ATP6V1C1: variants seen among roughly 807,000 people sequenced by gnomAD.
The protein encoded by ATP6V1C1 is V-type proton ATPase subunit C 1.
In ATP6V1C1, 45 loss-of-function variants were observed where a neutral mutation model predicts 53.9. The observed-to-expected ratio is 0.83, with a 90% CI of 0.66 to 1.07. The LOEUF (loss-of-function observed/expected upper bound fraction) is 1.07. ATP6V1C1 is among the 50% of genes least tolerant of loss of function. The pLI is 0.00. For synonymous variants in ATP6V1C1, 153 were observed against 155.2 expected, an observed-to-expected ratio of 0.99 and a Z score of 0.11; for missense variants, 315 against 440.3, an observed-to-expected ratio of 0.72 and a Z score of 2.55.
At chr8:103,036,515 C>A (rs1816901855) in intron 1 of ATP6V1C1, among the ~76,000 whole-genome samples, 2 of 152,112 alleles carry the variant, frequency 1.3e-5, no homozygotes, top group East Asian at 3.9e-4. Context: ...ATCAAGACTC[C>A]ATCTCTACAA....
intron 1 of ATP6V1C1, among the ~76,000 whole-genome samples, chr8:103,021,631 G>C: frequency 6.6e-6 from 1 of 151,468 alleles, no homozygotes; most frequent in Non-Finnish European, 1.5e-5. Context: ...GTGTGTTGGG[G>C]GGGGCGCGGG....
intron 3 of ATP6V1C1, among the ~76,000 whole-genome samples, chr8:103,048,348 C>T (rs549417332): frequency 3.0e-4 from 45 of 152,338 alleles, no homozygotes; most frequent in African/African-American, 1.1e-3. Flanking sequence ...AGCATAGCTC[C>T]TTGTAAATAG....
intron 1 of ATP6V1C1, among the ~76,000 whole-genome samples, chr8:103,039,284 A>T (rs1816952440): frequency 6.6e-6 from 1 of 152,238 alleles, no homozygotes; most frequent in African/African-American, 2.4e-5. Flanking sequence ...ACAAGTATAT[A>T]GGATGGCATC....
chr8:103,062,409 A>G (rs1310067555), intron 8 of ATP6V1C1, among the ~76,000 whole-genome samples: 2 of 151,940 alleles, frequency 1.3e-5, no homozygotes, highest in East Asian at 3.9e-4. Flanking sequence ...GAACTCAAGC[A>G]ATCACCCACC....
chr8:103,043,099 TG>T (rs1302369120), intron 3 of ATP6V1C1, among the ~76,000 whole-genome samples: 2 of 152,192 alleles, frequency 1.3e-5, no homozygotes, highest in African/African-American at 4.8e-5. Flanking sequence ...TCATTTTTCT[TG>T]GGTATGTACC....
chr8:103,053,777 C>T (rs796753077), intron 6 of ATP6V1C1, 107 bp from the exon 7 acceptor site: 10 of 761,770 alleles, frequency 1.3e-5, no homozygotes, highest in Non-Finnish European at 2.2e-5. Flanking sequence ...AGACTAATCC[C>T]TCTCAATGTA....
intron 8 of ATP6V1C1, 43 bp downstream of exon 8, chr8:103,055,979 CT>C: frequency 6.3e-7 from 1 of 1,576,566 alleles, no homozygotes; most frequent in South Asian, 1.1e-5. Flanking sequence ...CCTAGAATTC[CT>C]TTTAGAGTTT....
chr8:103,038,227 C>A (rs1816933841), intron 1 of ATP6V1C1, among the ~76,000 whole-genome samples: 1 of 152,134 alleles, frequency 6.6e-6, no homozygotes, highest in Non-Finnish European at 1.5e-5. Context: ...TCTGGTGGTT[C>A]ATGCTGGTTG....
chr8:103,071,096 T>A lies in ATP6V1C1; in HGVS notation c.*2349T>A, dbSNP rs1264849219. 1 of 152,196 alleles carries A rather than the reference T, an allele frequency of 6.6e-6. No individual in the cohort carries two copies. The highest frequency in any genetic ancestry group is 1.5e-5 in the Non-Finnish European group (1 of 68,054). 9.4% of individuals were successfully genotyped at this position (152,196 alleles called of 1,614,324 possible). ...TGAGGGTTAGAAGGAAGTCATTGTGTCTAACATAACAACAGAGCAGTTTGT... is the reference window on the plus strand; with the variant it reads ...TGAGGGTTAGAAGGAAGTCATTGTGACTAACATAACAACAGAGCAGTTTGT... On this transcript the variant is annotated 3_prime_UTR_variant, in exon 13 of 13. Transcript: ENST00000518738.
chr8:103,047,319 A>T (rs1283629298), intron 3 of ATP6V1C1, among the ~76,000 whole-genome samples: 1 of 151,062 alleles, frequency 6.6e-6, no homozygotes, highest in Non-Finnish European at 1.5e-5. Flanking sequence ...AGGCAAGAGG[A>T]TCGCTTGAGC....
chr8:103,038,938 T>C (rs1214922218), intron 1 of ATP6V1C1, among the ~76,000 whole-genome samples: 1 of 152,206 alleles, frequency 6.6e-6, no homozygotes, highest in East Asian at 1.9e-4. Flanking sequence ...AAAAAGCTTG[T>C]GTTTAGCTTG....
chr8:103,058,509 T>C (rs1045895821), intron 8 of ATP6V1C1, among the ~76,000 whole-genome samples: 21 of 152,218 alleles, frequency 1.4e-4, no homozygotes, highest in African/African-American at 5.1e-4. Flanking sequence ...ATGCTGAATT[T>C]TTGGCTTATC....
intron 8 of ATP6V1C1, among the ~76,000 whole-genome samples, chr8:103,056,172 C>T (rs995919204): frequency 2.0e-5 from 3 of 152,136 alleles, no homozygotes; most frequent in African/African-American, 7.2e-5. Context: ...AATAGTTTGC[C>T]CAGGATCACA....
At chr8:103,043,814 C>T (rs55844983) in intron 3 of ATP6V1C1, among the ~76,000 whole-genome samples, 12,433 of 152,144 alleles carry the variant, frequency 0.082, 684 homozygotes, top group Non-Finnish European at 0.11. Flanking sequence ...GTTCTTTATA[C>T]AGAATATGCA....
rs758123747 is a variant in ATP6V1C1 at position 103,064,794 on chromosome 8, C to T, written c.909C>T (p.Phe303=). 17 of 1,612,392 alleles carry T rather than the reference C, an allele frequency of 1.1e-5. No individual in the cohort carries two copies. The highest frequency in any genetic ancestry group is 1.1e-5 in the Non-Finnish European group (13 of 1,179,436). The change falls in exon 11 of 13, where the codon TTC becomes TTT. Residue 303 remains phenylalanine (F), a synonymous_variant. Coordinates refer to ENST00000518738, the MANE Select transcript of ATP6V1C1 (RefSeq NM_001695.5). ...TTCACGTGAAAGCATTACGGGTTTT[C>T]GTTGAGTCTGTTTTAAGGTAAAGCA... ...AWIHVKALRV[F]VESVLRYGLP...
At position 103,055,877 on chromosome 8, in the gene ATP6V1C1, C is replaced by T; in HGVS notation, c.582C>T (p.His194=). 1 of 1,611,712 alleles carries T rather than the reference C, an allele frequency of 6.2e-7. No individual in the cohort carries two copies. The highest frequency in any genetic ancestry group is 8.5e-7 in the Non-Finnish European group (1 of 1,178,244). Residue 194 remains histidine, a synonymous_variant, in exon 8 of 13, where the codon CAC becomes CAT. Transcript: ENST00000518738. ...TLLVVVPKLN[H]NDWIKQYETL... is the part of the protein sequence containing the mutation. The stretch of plus-strand genomic sequence containing the variant: ...TGTACCTTTTCTGCAGGTTAAACCA[C>T]AACGACTGGATTAAGCAGTATGAAA...
chr8:103,054,973 G>A (rs1007550112), intron 7 of ATP6V1C1, among the ~76,000 whole-genome samples: 1 of 152,046 alleles, frequency 6.6e-6, no homozygotes, highest in African/African-American at 2.4e-5. Context: ...CTTTATTGCA[G>A]TATGCTAGAA....
rs766339170 is a variant in ATP6V1C1, at chr8:103,051,086, A to T, written c.323A>T (p.Asp108Val). 6 of 1,610,234 alleles carry T rather than the reference A, an allele frequency of 3.7e-6. No homozygotes were observed. Among genetic ancestry groups the T allele is most frequent in the Non-Finnish European group, 5.1e-6 (6 of 1,177,660 alleles). Residue 108 changes from aspartate (D) to valine (V), a missense_variant, in exon 5 of 13, where the codon GAC becomes GTC. Asp to Val is a radical substitution (Grantham distance 152). Transcript: ENST00000518738. Reference protein sequence around the residue: ...LVTYITRFQWDMAKYPIKQSL... With the variant: ...LVTYITRFQWVMAKYPIKQSL... ...ACTTATATAACAAGGTTCCAGTGGG[A>T]CATGGCCAAATATCCAATCAAGCAG...
At chr8:103,028,894 C>T (rs1816743556) in intron 1 of ATP6V1C1, among the ~76,000 whole-genome samples, 1 of 152,116 alleles carries the variant, frequency 6.6e-6, no homozygotes, top group African/African-American at 2.4e-5. Context: ...AACTCCAGGG[C>T]TCTTTGTTAT....
Sources: allele counts gnomAD v4.1 joint callset (sites outside exome capture counted in the v4.1 genomes callset), GRCh38; gene constraint gnomAD v4.1.1; transcripts MANE v1.5; gene names NCBI Gene and HGNC (gene_info 2026-07-23, HGNC 2026-07-21).